The following RYR3 variants were observed in gnomAD, a reference collection of about 807,000 sequenced individuals.
RYR3 encodes the protein brain ryanodine receptor-calcium release channel.
A neutral mutation model predicts 584.3 loss-of-function variants in RYR3; 207 were observed. The ratio of observed to expected loss-of-function variants is 0.35; its 90% CI spans 0.32 to 0.40. The LOEUF is 0.40. Ranked by LOEUF, RYR3 falls within the 10% of genes least tolerant of loss-of-function variation. The probability of loss-of-function intolerance (pLI) is 1.00; values close to 1 mark genes in which losing one functional copy is unlikely to be tolerated. For synonymous variants in RYR3, 2,416 were observed against 2,248.5 expected (o/e 1.07, Z -2.11); for missense variants, 5,616 against 6,089.2 (o/e 0.92, Z 2.59).
Position 33,724,083 on chromosome 15 carries a change from A to C in RYR3, c.6819A>C (p.Glu2273Asp), listed in dbSNP as rs772410004. The change falls in exon 45 of 104, where the codon GAA (glutamate) becomes GAC (aspartate). Residue 2273 changes from glutamate (E) to aspartate (D), a missense_variant. Transcript: ENST00000634891. ...CTCTCAGCAGCACGGGGGACGATGA[A>C]GAGGAAGAAGAAATCGTGCATATGG... ...YKREVSTGDD[E>D]EEEEIVHMGN... 1.9e-6 allele frequency: 3 copies of C among 1,609,526 alleles called. No homozygotes were observed. The highest frequency in any genetic ancestry group is 4.5e-5 in the East Asian group (2 of 44,856).
At chr15:33,752,223 T>C (rs184498586) in intron 57 of RYR3, among the ~76,000 whole-genome samples, 260 of 152,266 alleles carry the variant, frequency 1.7e-3, no homozygotes, top group African/African-American at 5.0e-3. Context: ...GCTCTTTTTT[T>C]GTTCCATATG....
chr15:33,817,660 T>C (rs2076889074), intron 75 of RYR3, among the ~76,000 whole-genome samples: 1 of 152,190 alleles, frequency 6.6e-6, no homozygotes. Flanking sequence ...CACCCTCTGT[T>C]TCTTTCCTTC....
At chr15:33,806,951 A>G (rs551518805) in intron 69 of RYR3, among the ~76,000 whole-genome samples, 4 of 146,250 alleles carry the variant, frequency 2.7e-5, no homozygotes, top group South Asian at 2.2e-4. Context: ...GACAGTGGCT[A>G]TGTTGCTCAG....
At chr15:33,342,291 G>A (rs1203167090) in intron 1 of RYR3, among the ~76,000 whole-genome samples, 1 of 152,168 alleles carries the variant, frequency 6.6e-6, no homozygotes, top group Non-Finnish European at 1.5e-5. Flanking sequence ...CATTGCCTTA[G>A]TGCTCAATTT....
At chr15:33,463,176 AT>A (rs67064422) in intron 1 of RYR3, among the ~76,000 whole-genome samples, 31 of 151,008 alleles carry the variant, frequency 2.1e-4, no homozygotes, top group African/African-American at 6.6e-4. Context: ...AAAAAAAAAA[AT>A]TTTTTTTCAG....
chr15:33,791,916 G>T (rs917996286), intron 67 of RYR3, among the ~76,000 whole-genome samples: 1 of 152,146 alleles, frequency 6.6e-6, no homozygotes, highest in Non-Finnish European at 1.5e-5. Flanking sequence ...ATAGGAGGAA[G>T]GTAGTGGACA....
intron 91 of RYR3, 108 bp from the exon 92 acceptor site, chr15:33,843,380 G>A: frequency 1.4e-6 from 1 of 714,986 alleles, no homozygotes. Context: ...CAAAGAGTAG[G>A]ACGAGTCAAG....
intron 46 of RYR3, among the ~76,000 whole-genome samples, chr15:33,726,761 T>C (rs2068494809): frequency 6.6e-6 from 1 of 152,270 alleles, no homozygotes. Flanking sequence ...TTCTGTGGTA[T>C]AAACTTTCTC....
rs149400609 is a variant in RYR3 at position 33,603,439 on chromosome 15, G to A, written c.2164+75G>A. 2,652 of 1,438,542 alleles carry A rather than the reference G, an allele frequency of 1.8e-3. 23 individuals carry two copies. Among genetic ancestry groups the A allele is most frequent in the African/African-American group, 0.017 (1,193 of 70,368 alleles). The allele number at this position is 1,438,542 out of a possible 1,614,324, so 89.1% of individuals were successfully genotyped here. On this transcript the variant is annotated intron_variant, in intron 18 of 103. Transcript: ENST00000634891. ...AGGCTCAAATTATTCAAGCTGAAATGACCACTTCCATTTGAAATGATACAG... is the reference window on the plus strand; with the variant it reads ...AGGCTCAAATTATTCAAGCTGAAATAACCACTTCCATTTGAAATGATACAG...
chr15:33,689,104 C>G (rs1296088585), intron 38 of RYR3, among the ~76,000 whole-genome samples: 2 of 151,524 alleles, frequency 1.3e-5, no homozygotes, highest in Non-Finnish European at 2.9e-5. Flanking sequence ...AAACCATTCC[C>G]AGCAAACTAT....
intron 5 of RYR3, among the ~76,000 whole-genome samples, chr15:33,538,890 T>C (rs2055563249): frequency 6.6e-6 from 1 of 152,196 alleles, no homozygotes; most frequent in Non-Finnish European, 1.5e-5. Context: ...GTCTGAGTCC[T>C]TGCAGATGTA....
rs1347498264 is a variant in RYR3, at chr15:33,860,639, C to G, written c.14344C>G (p.Gln4782Glu). 2 of 1,593,948 alleles carry G rather than the reference C, an allele frequency of 1.3e-6. No homozygotes were observed. Among genetic ancestry groups the G allele is most frequent in the Non-Finnish European group, 1.7e-6 (2 of 1,169,024 alleles). Reference sequence around the variant, plus strand: ...CGGAGAGCTAAGAGACCAGCAGGAACAAGTACGAGAAGATATGGAGGTAAT... The same window carrying G: ...CGGAGAGCTAAGAGACCAGCAGGAAGAAGTACGAGAAGATATGGAGGTAAT... The part of the protein sequence containing the change: ...AFGELRDQQE[Q>E]VREDMETKCF... Residue 4782 changes from glutamine (Q) to glutamate (E), a missense_variant, in exon 101 of 104, where the codon CAA (glutamine) becomes GAA (glutamate). Around this residue, in one of 9 missense-constraint regions of RYR3, gnomAD observed 918 missense variants for 887.4 expected, o/e 1.03. Transcript: ENST00000634891.
At chr15:33,778,170 A>AAAATAAATAAATAAATAAATAAATAAAT (rs112695825) in intron 64 of RYR3, among the ~76,000 whole-genome samples, 11 of 148,412 alleles carry the variant, frequency 7.4e-5, no homozygotes, top group Non-Finnish European at 1.2e-4. Context: ...ACTCTGTCTC[A>AAAATAAATAAATAAATAAATAAATAAAT]AAATAAATAA....
chr15:33,721,842 G>A (rs879510901), intron 43 of RYR3, among the ~76,000 whole-genome samples: 4 of 152,038 alleles, frequency 2.6e-5, no homozygotes, highest in Non-Finnish European at 4.4e-5. Flanking sequence ...AAGAAAGAAT[G>A]GCTATCCCTA....
intron 1 of RYR3, among the ~76,000 whole-genome samples, chr15:33,326,786 G>A (rs1037317053): frequency 3.3e-5 from 5 of 152,098 alleles, no homozygotes; most frequent in Non-Finnish European, 7.3e-5. Context: ...TTTAGGTAAT[G>A]GAGAACTAGC....
chr15:33,848,497 C>T, intron 94 of RYR3, 76 bp downstream of exon 94: 1 of 1,493,004 alleles, frequency 6.7e-7, no homozygotes, highest in Non-Finnish European at 9.0e-7. Context: ...TCCTCCTGGC[C>T]TTAAAACTGG....
intron 22 of RYR3, among the ~76,000 whole-genome samples, chr15:33,630,363 G>T (rs192442996): frequency 1.5e-4 from 23 of 152,262 alleles, no homozygotes; most frequent in South Asian, 6.2e-4. Flanking sequence ...TCTAAAACCC[G>T]TTGGGAAACC....
intron 27 of RYR3, among the ~76,000 whole-genome samples, chr15:33,636,798 C>T (rs769581245): frequency 5.3e-5 from 8 of 152,350 alleles, no homozygotes; most frequent in African/African-American, 1.9e-4. Context: ...GAAGCTAATT[C>T]CCTCCCCTGT....
intron 19 of RYR3, among the ~76,000 whole-genome samples, chr15:33,619,770 C>T (rs898518801): frequency 5.3e-5 from 8 of 152,156 alleles, no homozygotes; most frequent in Non-Finnish European, 1.2e-4. Context: ...TTGGCCAGCT[C>T]CTATTGCAGA....
Sources: allele counts gnomAD v4.1 joint callset (sites outside exome capture counted in the v4.1 genomes callset), GRCh38; gene constraint gnomAD v4.1.1; regional missense constraint gnomAD v4.1.1; transcripts MANE v1.5; gene names NCBI Gene and HGNC (gene_info 2026-07-23, HGNC 2026-07-21).